DLG2: variants seen among roughly 807,000 people sequenced by gnomAD.
DLG2 encodes the protein discs large MAGUK scaffold protein 2, also known as disks large homolog 2.
DLG2 carries 45 observed loss-of-function variants against 132.5 expected under a neutral mutation model. The ratio of observed to expected loss-of-function variants is 0.34; its 90% confidence interval spans 0.27 to 0.44. The LOEUF (loss-of-function observed/expected upper bound fraction) is 0.44, where lower values mean the gene tolerates loss of function less well. Among genes scored for constraint, DLG2 ranks in the 20% least tolerant of loss-of-function variants. The pLI is 1.00. For missense variants in DLG2, 1,045 were observed against 1,196.9 expected, an observed-to-expected ratio of 0.87 and a Z score of 1.87; for synonymous variants, 424 against 419.6, an observed-to-expected ratio of 1.01 and a Z score of -0.13.
chr11:84,624,497 C>A (rs1298034825), intron 6 of DLG2, among the ~76,000 whole-genome samples: 1 of 152,032 alleles, frequency 6.6e-6, no homozygotes, highest in Non-Finnish European at 1.5e-5. Flanking sequence ...GTCAGAATGA[C>A]TACTGTAGTT....
At chr11:85,347,795 C>CTTTT (rs2082954399) in intron 3 of DLG2, among the ~76,000 whole-genome samples, 1 of 140,206 alleles carries the variant, frequency 7.1e-6, no homozygotes, top group African/African-American at 2.7e-5. Flanking sequence ...CTAAGAGGCA[C>CTTTT]TCTTTTTTTT....
intron 21 of DLG2, among the ~76,000 whole-genome samples, chr11:83,524,414 C>T (rs1469052121): frequency 6.6e-6 from 1 of 152,104 alleles, no homozygotes; most frequent in Non-Finnish European, 1.5e-5. Context: ...GATGTAGATG[C>T]TGCAGGATAC....
chr11:85,559,793 G>A (rs2153223448), intron 3 of DLG2, among the ~76,000 whole-genome samples: 1 of 146,336 alleles, frequency 6.8e-6, no homozygotes, highest in African/African-American at 2.5e-5. Flanking sequence ...CACACACACA[G>A]ATAGATGGTG....
At chr11:83,590,456 C>T (rs2097168364) in intron 19 of DLG2, among the ~76,000 whole-genome samples, 1 of 152,106 alleles carries the variant, frequency 6.6e-6, no homozygotes, top group Admixed American at 6.5e-5. Context: ...AACAAAGACA[C>T]AGCATACCAG....
At chr11:83,809,938 C>A (rs1036464828) in intron 17 of DLG2, among the ~76,000 whole-genome samples, 1 of 152,068 alleles carries the variant, frequency 6.6e-6, no homozygotes, top group South Asian at 2.1e-4. Context: ...CAAAGTTATG[C>A]ATAATGAGAA....
At chr11:83,790,019 A>G (rs1164857825) in intron 17 of DLG2, 27 of 1,368,418 alleles carry the variant, frequency 2.0e-5, no homozygotes, top group Non-Finnish European at 2.6e-5. Flanking sequence ...TGGCAAAGGC[A>G]GTTTCTGAAT....
At position 83,997,134 on chromosome 11, in the gene DLG2, A is replaced by G. The variant is rs1440027528; in HGVS notation, c.920-16492T>C. Reference sequence around the variant, plus strand: ...AAAAACTAAAAGTAAAAAAAAAAAAATAAAAAATAAAAATACTTAAAGGGG... The same window carrying G: ...AAAAACTAAAAGTAAAAAAAAAAAAGTAAAAAATAAAAATACTTAAAGGGG... On this transcript the variant is annotated intron_variant, in intron 11 of 27. Transcript: ENST00000376104. Among the ~76,000 whole-genome samples, 4 of 150,234 alleles carry G rather than the reference A, an allele frequency of 2.7e-5. No individual in the cohort carries two copies. The South Asian group carries it at 6.4e-4, about 24-fold the overall frequency.
chr11:84,025,968 A>T (rs1468544297), intron 11 of DLG2, among the ~76,000 whole-genome samples: 1 of 152,164 alleles, frequency 6.6e-6, no homozygotes, highest in African/African-American at 2.4e-5. Flanking sequence ...AAAACAAAGT[A>T]GTTAAAATTA....
chr11:85,396,340 G>A (rs1388685875), intron 3 of DLG2, among the ~76,000 whole-genome samples: 3 of 152,046 alleles, frequency 2.0e-5, no homozygotes, highest in African/African-American at 4.8e-5. Context: ...CAGAAAAGCT[G>A]AAATTCCAAA....
intron 18 of DLG2, among the ~76,000 whole-genome samples, chr11:83,731,056 G>T (rs2090921632): frequency 6.6e-6 from 1 of 152,120 alleles, no homozygotes; most frequent in Non-Finnish European, 1.5e-5. Flanking sequence ...ATACTCATCG[G>T]CATTAAGTCC....
rs368095831 is a variant in DLG2, at chr11:84,483,862, C to T, written c.519+50708G>A. 1.7e-4 allele frequency among the ~76,000 whole-genome samples: 26 copies of T among 152,272 alleles called. No homozygotes were observed. The South Asian group carries it at 4.8e-3, about 28-fold the overall frequency. On this transcript the variant is annotated intron_variant, in intron 7 of 27. Transcript: ENST00000376104. The stretch of plus-strand genomic sequence containing the variant: ...GAATATACCTATGCAATGGAGAGTT[C>T]GTTGGCCAGTGAGGCAACCAACTCT...
At chr11:85,066,105 G>A (rs1258008946) in intron 6 of DLG2, among the ~76,000 whole-genome samples, 1 of 151,528 alleles carries the variant, frequency 6.6e-6, no homozygotes, top group Non-Finnish European at 1.5e-5. Context: ...AATCAGAAAT[G>A]ATAAAGGTGA....
intron 4 of DLG2, among the ~76,000 whole-genome samples, chr11:85,193,595 ATTCTATTTTGAC>A (rs1320055572): frequency 9.9e-5 from 15 of 152,190 alleles, no homozygotes; most frequent in Admixed American, 9.1e-4. Flanking sequence ...TTGGTGTCTC[ATTCTATTTTGAC>A]TTGCATTTCC....
At chr11:84,187,043 C>T (rs2096289217) in intron 8 of DLG2, among the ~76,000 whole-genome samples, 1 of 151,398 alleles carries the variant, frequency 6.6e-6, no homozygotes, top group East Asian at 1.9e-4. Flanking sequence ...ACACTTCACA[C>T]TGATGTTTAA....
intron 4 of DLG2, among the ~76,000 whole-genome samples, chr11:85,246,162 G>T (rs933036328): frequency 6.6e-6 from 1 of 151,760 alleles, no homozygotes; most frequent in Admixed American, 6.6e-5. Context: ...TATTGATTTT[G>T]CTCATGGTTG....
chr11:83,639,789 T>TAA (rs141488581), intron 18 of DLG2, among the ~76,000 whole-genome samples: 106 of 146,804 alleles, frequency 7.2e-4, no homozygotes, highest in Middle Eastern at 3.5e-3. Context: ...GGAGTAAAAT[T>TAA]AAAAAAAAAA....
rs180724130 is a variant in DLG2 at position 85,334,642 on chromosome 11, C to G, written c.41-49277G>C. The stretch of plus-strand genomic sequence containing the variant: ...TTGGTATATCTTTTTTTCATTGGTT[C>G]TAAAGAATTGTTTGATTTCTGCCTT... On this transcript the variant is annotated intron_variant, in intron 3 of 27. Transcript: ENST00000376104. 2.0e-3 allele frequency among the ~76,000 whole-genome samples: 302 copies of G among 152,092 alleles called. 1 individual carries two copies. Among genetic ancestry groups the G allele is most frequent in the Admixed American group, 2.2e-3 (34 of 15,278 alleles).
intron 4 of DLG2, among the ~76,000 whole-genome samples, chr11:85,195,748 G>T (rs1442382157): frequency 6.6e-6 from 1 of 151,740 alleles, no homozygotes; most frequent in Non-Finnish European, 1.5e-5. Flanking sequence ...GGATGGTCTC[G>T]ATCTTCTGAC....
intron 7 of DLG2, among the ~76,000 whole-genome samples, chr11:84,458,396 A>T (rs1308866882): frequency 6.6e-6 from 1 of 150,854 alleles, no homozygotes; most frequent in Admixed American, 6.6e-5. Context: ...TATCCAAGTG[A>T]TCATCGTCCT....
Sources: gnomAD v4.1 joint callset for allele counts (sites outside exome capture counted in the v4.1 genomes callset) on GRCh38, gnomAD v4.1.1 for gene constraint, MANE v1.5 for transcripts, NCBI Gene and HGNC (gene_info 2026-07-23, HGNC 2026-07-21) for gene names.